LPAR1: variants seen among roughly 807,000 people sequenced by gnomAD.
LPAR1 encodes lysophosphatidic acid receptor 1, also known as LPA receptor 1.
A neutral mutation model predicts 23.8 loss-of-function variants in LPAR1; 5 were observed. The observed-to-expected ratio is 0.21, with a 90% CI of 0.11 to 0.44. The LOEUF is 0.44. Ranked by LOEUF, LPAR1 falls within the 20% of genes least tolerant of loss-of-function variation. LPAR1 has a pLI of 0.99. For missense variants in LPAR1, 311 were observed against 482.8 expected (o/e 0.64, Z 3.33); for synonymous variants, 160 against 164.7 (o/e 0.97, Z 0.22).
At position 111,024,806 on chromosome 9, in the gene LPAR1, T is replaced by C. The variant is rs531927881; in HGVS notation, c.-182+11316A>G. ...ATGAGTGAGAACATGCAGTGTTAGG[T>C]TTTCTGTTCTTGTGTTAGTTTGCTG... On this transcript the variant is annotated intron_variant, in intron 2 of 5. Transcript: ENST00000683809. 4.6e-5 allele frequency among the ~76,000 whole-genome samples: 7 copies of C among 151,644 alleles called. No individual in the cohort carries two copies. In the South Asian group the frequency reaches 1.5e-3, roughly 32 times the overall value.
At chr9:110,892,434 G>C in intron 5 of LPAR1, among the ~76,000 whole-genome samples, 1 of 152,248 alleles carries the variant, frequency 6.6e-6, no homozygotes, top group South Asian at 2.1e-4. Flanking sequence ...GGGAGGCCGA[G>C]GCAGGTGGAT....
chr9:111,032,436 A>T (rs768192643), intron 2 of LPAR1, among the ~76,000 whole-genome samples: 6 of 152,258 alleles, frequency 3.9e-5, no homozygotes, highest in Middle Eastern at 6.8e-3. Context: ...ATCGTGTGTA[A>T]GCTCCTCCTG....
chr9:110,879,138 C>T (rs1004281819), intron 5 of LPAR1, among the ~76,000 whole-genome samples: 3 of 152,042 alleles, frequency 2.0e-5, no homozygotes, highest in African/African-American at 4.8e-5. Context: ...GAGGAAGGGC[C>T]CGGTGCGGGA....
rs189718136 is a variant in LPAR1 at position 111,015,008 on chromosome 9, T to C, written c.-182+21114A>G. ...AGAGTGGGCCCTAATCCAATATGAC[T>C]AGGGTCCTTATAAGAGGAAGAAAGT... On this transcript the variant is annotated intron_variant, in intron 2 of 5. Transcript: ENST00000683809. Among the ~76,000 whole-genome samples, 59 of 152,066 alleles carry C rather than the reference T, an allele frequency of 3.9e-4. 1 individual carries two copies. Among genetic ancestry groups the C allele is most frequent in the African/African-American group, 1.3e-3 (52 of 41,478 alleles).
At chr9:110,917,569 C>CA (rs1181831305) in intron 5 of LPAR1, among the ~76,000 whole-genome samples, 2 of 152,114 alleles carry the variant, frequency 1.3e-5, no homozygotes, top group Non-Finnish European at 2.9e-5. Context: ...AATGATATGG[C>CA]ATGACTTTAT....
intron 5 of LPAR1, among the ~76,000 whole-genome samples, chr9:110,891,208 C>T (rs377709477): frequency 1.3e-4 from 20 of 152,076 alleles, no homozygotes; most frequent in East Asian, 9.6e-4. Context: ...GAAAAGTGGG[C>T]ATATATAAAT....
chr9:110,940,490 TC>T (rs1347732164), intron 5 of LPAR1, among the ~76,000 whole-genome samples: 1 of 152,218 alleles, frequency 6.6e-6, no homozygotes, highest in Non-Finnish European at 1.5e-5. Flanking sequence ...TTTTTCAATT[TC>T]CATAGGGAAA....
intron 5 of LPAR1, among the ~76,000 whole-genome samples, chr9:110,902,695 G>A (rs924416962): frequency 3.9e-5 from 6 of 152,146 alleles, no homozygotes; most frequent in African/African-American, 1.4e-4. Flanking sequence ...TTCCTCCAAT[G>A]AGAAACAGCA....
chr9:110,954,899 A>T (rs1272037669), intron 4 of LPAR1, among the ~76,000 whole-genome samples: 1 of 152,224 alleles, frequency 6.6e-6, no homozygotes, highest in African/African-American at 2.4e-5. Flanking sequence ...TACCATCATG[A>T]AAACATACAA....
chr9:111,015,987 A>G (rs758765420), intron 2 of LPAR1, among the ~76,000 whole-genome samples: 34 of 152,136 alleles, frequency 2.2e-4, no homozygotes, highest in Middle Eastern at 3.4e-3. Context: ...CTTGCTTGTT[A>G]AGCCCCAGCA....
chr9:110,953,420 T>C (rs1032099252), intron 4 of LPAR1, among the ~76,000 whole-genome samples: 2 of 152,198 alleles, frequency 1.3e-5, no homozygotes, highest in Non-Finnish European at 2.9e-5. Flanking sequence ...TCCCAGCACT[T>C]TGGGAGGCCG....
intron 5 of LPAR1, among the ~76,000 whole-genome samples, chr9:110,937,200 G>A (rs2094770247): frequency 6.6e-6 from 1 of 152,186 alleles, no homozygotes; most frequent in South Asian, 2.1e-4. Flanking sequence ...TCTCTGCCCA[G>A]GGAAACAAAG....
At chr9:110,912,927 G>C (rs547400234) in intron 5 of LPAR1, among the ~76,000 whole-genome samples, 1 of 152,286 alleles carries the variant, frequency 6.6e-6, no homozygotes, top group South Asian at 2.1e-4. Context: ...TCAAACCTGG[G>C]AAGATCAGAT....
In LPAR1 at chr9:111,022,813, G is replaced by A. The variant is rs537600116; in HGVS notation, c.-182+13309C>T. Among the ~76,000 whole-genome samples, 39 of 152,080 alleles carry A rather than the reference G, an allele frequency of 2.6e-4. No homozygotes were observed. The South Asian group carries it at 7.7e-3, about 30-fold the overall frequency. ...AGTCTGTAATCCCAGCACTTTGGGA[G>A]GCCAAGGCGGGCGGATTACGAGGTC... On this transcript the variant is annotated intron_variant, in intron 2 of 5. Transcript: ENST00000683809.
At chr9:110,963,888 A>G (rs2096094607) in intron 4 of LPAR1, among the ~76,000 whole-genome samples, 1 of 152,238 alleles carries the variant, frequency 6.6e-6, no homozygotes, top group South Asian at 2.1e-4. Context: ...ATGGTGTATA[A>G]CAGTCTAGAT....
At chr9:110,957,862 C>T (rs746506237) in intron 4 of LPAR1, among the ~76,000 whole-genome samples, 22 of 152,140 alleles carry the variant, frequency 1.4e-4, no homozygotes, top group Admixed American at 2.6e-4. Flanking sequence ...AAATCTCCTA[C>T]GTTGGATAAA....
In LPAR1 at chr9:110,996,655, G is replaced by T. The variant is rs139796364; in HGVS notation, c.-181-23097C>A. Among the ~76,000 whole-genome samples, 246 of 152,232 alleles carry T rather than the reference G, an allele frequency of 1.6e-3. 1 individual carries two copies. Among genetic ancestry groups the T allele is most frequent in the African/African-American group, 5.7e-3 (236 of 41,552 alleles). On this transcript the variant is annotated intron_variant, in intron 2 of 5. Transcript: ENST00000683809. ...AGTCATAGCGATAAAATGAGCAGGT[G>T]GCAAGTCTCTAAATCTTTTGTATTC...
chr9:110,973,434 T>A (rs1250940263), intron 3 of LPAR1, 47 bp downstream of exon 3: 2 of 152,152 alleles, frequency 1.3e-5, no homozygotes, highest in African/African-American at 4.8e-5. Flanking sequence ...CTATATCTCC[T>A]CAAGGAACTT....
At chr9:110,889,671 A>T (rs2083475117) in intron 5 of LPAR1, among the ~76,000 whole-genome samples, 1 of 152,218 alleles carries the variant, frequency 6.6e-6, no homozygotes, top group African/African-American at 2.4e-5. Flanking sequence ...TAACAACAGG[A>T]TACCAGCTGA....
Sources: gnomAD v4.1 joint callset for allele counts (sites outside exome capture counted in the v4.1 genomes callset) on GRCh38, gnomAD v4.1.1 for gene constraint, MANE v1.5 for transcripts, NCBI Gene and HGNC (gene_info 2026-07-23, HGNC 2026-07-21) for gene names.